The following MLLT1 variants were observed in gnomAD, a reference collection of about 807,000 sequenced individuals.
MLLT1 encodes protein ENL.
A neutral mutation model predicts 55.1 loss-of-function variants in MLLT1; 11 were observed. The observed-to-expected ratio is 0.20, with a 90% confidence interval of 0.13 to 0.33. The LOEUF is 0.33. MLLT1 is among the 10% of genes least tolerant of loss of function. The pLI is 1.00. For synonymous variants in MLLT1, 323 were observed against 320.1 expected, an observed-to-expected ratio of 1.01 and a Z score of -0.10; for missense variants, 536 against 760.6, an observed-to-expected ratio of 0.70 and a Z score of 3.47.
intron 3 of MLLT1, among the ~76,000 whole-genome samples, chr19:6,257,617 A>T (rs1052689469): frequency 6.6e-6 from 1 of 152,150 alleles, no homozygotes; most frequent in Non-Finnish European, 1.5e-5. Flanking sequence ...CCTCGCAAAC[A>T]TGGCGCAACC....
rs775028409 is a variant in MLLT1, at chr19:6,240,316, G to T, written c.277-9603C>A. On this transcript the variant is annotated intron_variant, in intron 3 of 11. Transcript: ENST00000252674. The surrounding 1 kb of genome is among the most constrained non-coding windows in gnomAD (Gnocchi z 4.7). ...GGCCTGCCTGGAAGAGGCTGGCCCT[G>T]GTCAGGGGAGGCGGGGGAGTTTTCT... Among the ~76,000 whole-genome samples, 1 of 152,240 alleles carries T rather than the reference G, an allele frequency of 6.6e-6. No homozygotes were observed. The highest frequency in any genetic ancestry group is 2.4e-5 in the African/African-American group (1 of 41,476).
At chr19:6,213,541 C>G (rs1277775952) in intron 10 of MLLT1, 133 bp from the exon 11 acceptor site, 1 of 1,020,842 alleles carries the variant, frequency 9.8e-7, no homozygotes, top group East Asian at 2.5e-5. Flanking sequence ...AAGGAAGGCC[C>G]AAGGCTGCAG....
intron 3 of MLLT1, among the ~76,000 whole-genome samples, chr19:6,254,991 AAAC>A (rs1386756988): frequency 6.6e-6 from 1 of 152,036 alleles, no homozygotes; most frequent in African/African-American, 2.4e-5. Flanking sequence ...GAAAAAAAAA[AAAC>A]AACACCCTAC....
rs1245642634 is a variant in MLLT1, at chr19:6,222,895, G to A, written c.547-211C>T. ...TTAAACTACTAGGAAGTGTCAGCTG[G>A]TCCCCGGCAGCTGCAGGCTAAGATT... is the stretch of plus-strand genomic sequence containing the variant. On this transcript the variant is annotated intron_variant, in intron 5 of 11. Transcript: ENST00000252674. This position sits in a 1 kb window ranked among gnomAD's most constrained non-coding sequence, Gnocchi z 4.1. Among the ~76,000 whole-genome samples, 2 of 152,208 alleles carry A rather than the reference G, an allele frequency of 1.3e-5. No individual in the cohort carries two copies. The highest frequency in any genetic ancestry group is 4.8e-5 in the African/African-American group (2 of 41,434).
chr19:6,279,584 C>T (rs1329263450), intron 1 of MLLT1, among the ~76,000 whole-genome samples, 189 bp downstream of exon 1: 1 of 151,342 alleles, frequency 6.6e-6, no homozygotes, highest in East Asian at 2.0e-4. Flanking sequence ...GTGTCCGAGG[C>T]GCCCTGGCCG....
rs750484365 is a variant in MLLT1 at position 6,231,092 on chromosome 19, A to G, written c.277-379T>C. Among the ~76,000 whole-genome samples, 7 of 152,288 alleles carry G rather than the reference A, an allele frequency of 4.6e-5. No homozygotes were observed. Among genetic ancestry groups the G allele is most frequent in the East Asian group, 1.9e-4 (1 of 5,174 alleles). The stretch of plus-strand genomic sequence containing the variant: ...CTGCCCCAGGCCTCTGAGGCCCACA[A>G]TCTCACCACCTCTATTCCCCACTTC... On this transcript the variant is annotated intron_variant, in intron 3 of 11. Transcript: ENST00000252674. This position sits in a 1 kb window ranked among gnomAD's most constrained non-coding sequence, Gnocchi z 5.1.
In MLLT1 at chr19:6,213,127, T is replaced by C. The variant is rs763971559; in HGVS notation, c.1595A>G (p.Asn532Ser). Residue 532 changes from asparagine to serine, a missense_variant, in exon 12 of 12, where the codon AAC becomes AGC. By Grantham distance (46) the Asn-to-Ser change is conservative. This residue lies in a region of MLLT1 where 25 missense variants were observed against 75.8 expected (regional missense o/e 0.33). Coordinates refer to ENST00000252674, the MANE Select transcript of MLLT1 (RefSeq NM_005934.4). Reference protein sequence around the residue: ...IEETGHFNVTNTTFDFDLFSL... With the variant: ...IEETGHFNVTSTTFDFDLFSL... ...GAAGAGGTCGAAGTCGAAGGTGGTG[T>C]TGGTGACATTGAAGTGGCCAGTCTC... The C allele has an allele frequency of 6.2e-7, 1 of 1,613,884 alleles. No homozygotes were observed. The highest frequency in any genetic ancestry group is 8.5e-7 in the Non-Finnish European group (1 of 1,179,866).
chr19:6,239,687 C>T (rs891372024), intron 3 of MLLT1, among the ~76,000 whole-genome samples: 1 of 152,084 alleles, frequency 6.6e-6, no homozygotes, highest in Non-Finnish European at 1.5e-5. Context: ...TGTACAAACA[C>T]ACACACAAAC....
Position 6,213,723 on chromosome 19 carries a change from C to CCTTGTCGTAGGTGCCCCCCG in MLLT1, c.1479+2_1479+3insCGGGGGGCACCTACGACAAG. 1.9e-6 allele frequency: 3 copies of CCTTGTCGTAGGTGCCCCCCG among 1,612,824 alleles called. No individual in the cohort carries two copies. Among genetic ancestry groups the CCTTGTCGTAGGTGCCCCCCG allele is most frequent in the Non-Finnish European group, 2.5e-6 (3 of 1,179,244 alleles). On this transcript the variant is annotated splice_region_variant and intron_variant, in intron 10 of 11. Transcript: ENST00000252674. ...CCCCGCCTTGTCGTAGGTGCCCCCC[C>CCTTGTCGTAGGTGCCCCCCG]ACCTTGTCGTAGGTGCCCTTCTTGA...
intron 2 of MLLT1, among the ~76,000 whole-genome samples, chr19:6,266,941 A>G (rs1415529797): frequency 2.6e-5 from 4 of 152,140 alleles, no homozygotes; most frequent in Admixed American, 2.6e-4. Context: ...GGCACAGAGA[A>G]CCAGCATGAA....
rs998881966 is a variant in MLLT1 at position 6,270,697 on chromosome 19, C to T, written c.75G>A (p.Thr25=). Residue 25 remains threonine, a synonymous_variant, in exon 2 of 12, where the codon ACG becomes ACA. Transcript: ENST00000252674. The surrounding 1 kb of genome is among the most constrained non-coding windows in gnomAD (Gnocchi z 7.1). ...HRAQLRKKPT[T]EGFTHDWMVF... is the part of the protein sequence containing the mutation. Reference sequence around the variant, plus strand: ...CCATCCAGTCGTGAGTGAACCCCTCCGTGGTGGGCTTCTTGCGCAGTTGGG... The same window carrying T: ...CCATCCAGTCGTGAGTGAACCCCTCTGTGGTGGGCTTCTTGCGCAGTTGGG... 8.1e-6 allele frequency: 13 copies of T among 1,614,112 alleles called. No homozygotes were observed. Among genetic ancestry groups the T allele is most frequent in the South Asian group, 1.1e-5 (1 of 91,076 alleles).
At chr19:6,265,072 A>AAAAAAAC (rs2091338569) in intron 2 of MLLT1, among the ~76,000 whole-genome samples, 1 of 145,324 alleles carries the variant, frequency 6.9e-6, no homozygotes, top group African/African-American at 2.5e-5. Context: ...AAACAAAAAA[A>AAAAAAAC]AACATGATGT....
intron 3 of MLLT1, among the ~76,000 whole-genome samples, chr19:6,251,097 G>A (rs1303578556): frequency 8.5e-5 from 13 of 152,114 alleles, no homozygotes; most frequent in African/African-American, 3.1e-4. Context: ...GGCGATGGGG[G>A]GAACGGGAAA....
In MLLT1 at chr19:6,273,538, G is replaced by C. The variant is rs1177066928; in HGVS notation, c.13-2779C>G. ...ATACTCAGGCCAAGCACGAGTGTCTGCCTGAACACCACCGCATTCCAACAA... is the reference window on the plus strand; with the variant it reads ...ATACTCAGGCCAAGCACGAGTGTCTCCCTGAACACCACCGCATTCCAACAA... On this transcript the variant is annotated intron_variant, in intron 1 of 11. Transcript: ENST00000252674. This position sits in a 1 kb window ranked among gnomAD's most constrained non-coding sequence, Gnocchi z 4.3. Among the ~76,000 whole-genome samples the C allele has an allele frequency of 2.6e-5, 4 of 152,154 alleles. No homozygotes were observed. The highest frequency in any genetic ancestry group is 5.9e-5 in the Non-Finnish European group (4 of 68,030).
intron 7 of MLLT1, 25 bp downstream of exon 7, chr19:6,217,929 C>T (rs1238602723): frequency 3.8e-6 from 6 of 1,579,526 alleles, no homozygotes; most frequent in African/African-American, 1.4e-5. Context: ...CCCATCCGTG[C>T]CCCCCAGCTG....
chr19:6,272,043 C>T (rs989461336), intron 1 of MLLT1, among the ~76,000 whole-genome samples: 2 of 152,232 alleles, frequency 1.3e-5, no homozygotes, highest in Non-Finnish European at 2.9e-5. Flanking sequence ...TCAGTTGTCA[C>T]GCGATGGAGC....
chr19:6,214,241 CA>C (rs1361749369), intron 8 of MLLT1, among the ~76,000 whole-genome samples: 1 of 152,206 alleles, frequency 6.6e-6, no homozygotes, highest in Non-Finnish European at 1.5e-5. Context: ...GAAACCAGGC[CA>C]CCCAGAGGCC....
In MLLT1 at chr19:6,222,884, A is replaced by T. The variant is rs951038149; in HGVS notation, c.547-200T>A. 1.1e-4 allele frequency among the ~76,000 whole-genome samples: 17 copies of T among 152,218 alleles called. No homozygotes were observed. Among genetic ancestry groups the T allele is most frequent in the African/African-American group, 4.1e-4 (17 of 41,448 alleles). ...GAGCTGTCCCTTTAAACTACTAGGA[A>T]GTGTCAGCTGGTCCCCGGCAGCTGC... On this transcript the variant is annotated intron_variant, in intron 5 of 11. Transcript: ENST00000252674. The surrounding 1 kb of genome is among the most constrained non-coding windows in gnomAD (Gnocchi z 4.1).
At chr19:6,215,776 C>T (rs758093991) in intron 8 of MLLT1, among the ~76,000 whole-genome samples, 2 of 152,184 alleles carry the variant, frequency 1.3e-5, no homozygotes, top group African/African-American at 2.4e-5. Context: ...GACCCCCGCC[C>T]GCTGAAGCCT....
Sources: allele counts gnomAD v4.1 joint callset (sites outside exome capture counted in the v4.1 genomes callset), GRCh38; gene constraint gnomAD v4.1.1; regional missense constraint gnomAD v4.1.1; non-coding constraint Gnocchi (gnomAD v3.1); transcripts MANE v1.5; gene names NCBI Gene and HGNC (gene_info 2026-07-23, HGNC 2026-07-21).